FMO1: variants seen among roughly 807,000 people sequenced by gnomAD.
FMO1 encodes flavin-containing monooxygenase 1.
In FMO1, 36 loss-of-function variants were observed where a neutral mutation model predicts 45.4. The ratio of observed to expected loss-of-function variants is 0.79; its 90% CI spans 0.61 to 1.05. The LOEUF is 1.05. Ranked by LOEUF, FMO1 falls within the 50% of genes least tolerant of loss-of-function variation. The pLI, the probability that FMO1 is intolerant of heterozygous loss-of-function variation, is 0.00. For missense variants in FMO1, 615 were observed against 640.3 expected (o/e 0.96, Z 0.43); for synonymous variants, 228 against 227.2 (o/e 1.00, Z -0.03).
In FMO1 at chr1:171,285,453, T is replaced by C. The variant is rs760560322; in HGVS notation, c.1508T>C (p.Val503Ala). 2 of 1,597,774 alleles carry C rather than the reference T, an allele frequency of 1.3e-6. No homozygotes were observed. Among genetic ancestry groups the C allele is most frequent in the African/African-American group, 1.3e-5 (1 of 74,208 alleles). The change falls in exon 9 of 9, where the codon GTT becomes GCT. Residue 503 changes from valine to alanine, a missense_variant. Coordinates refer to ENST00000617670, the MANE Select transcript of FMO1 (RefSeq NM_001282693.2). ...DRTFKVIKARVVQESPSPFES... is the reference protein window; with the variant it reads ...DRTFKVIKARAVQESPSPFES... ...ACATTCAAGGTCATCAAAGCTCGAGTTGTACAAGAGTCTCCATCTCCCTTT... is the reference window on the plus strand; with the variant it reads ...ACATTCAAGGTCATCAAAGCTCGAGCTGTACAAGAGTCTCCATCTCCCTTT...
rs554020615 is a variant in FMO1 at position 171,265,386 on chromosome 1, G to A, written c.133-2157G>A. On this transcript the variant is annotated intron_variant, in intron 2 of 8. Transcript: ENST00000617670. The stretch of plus-strand genomic sequence containing the variant: ...AGCCTGGGCGACAGAGCGAGGCTCC[G>A]TCTCAAAAAAAGAAAAATAAAAAAG... Among the ~76,000 whole-genome samples, 22 of 147,272 alleles carry A rather than the reference G, an allele frequency of 1.5e-4. 1 individual carries two copies. The highest frequency in any genetic ancestry group is 4.8e-4 in the African/African-American group (19 of 39,192).
Position 171,282,261 on chromosome 1 carries a change from CT to C in FMO1, c.1112del (p.Leu371ProfsTer8). ...AAAGCCAACCCTGGCCATTATTGGC[CT>C]CATCAAACCCTTGGGCTCCATGATA... ...LQKPTLAIIG[L>X]IKPLGSMIPT... On this transcript the variant is annotated frameshift_variant, in exon 7 of 9. Transcript: ENST00000617670. LOFTEE classifies it high-confidence loss of function. The C allele has an allele frequency of 6.2e-7, 1 of 1,613,922 alleles. No individual in the cohort carries two copies. Among genetic ancestry groups the C allele is most frequent in the East Asian group, 2.2e-5 (1 of 44,852 alleles).
At chr1:171,256,442 C>T (rs1273242530) in intron 1 of FMO1, among the ~76,000 whole-genome samples, 1 of 152,096 alleles carries the variant, frequency 6.6e-6, no homozygotes, top group Non-Finnish European at 1.5e-5. Context: ...ACAACTGCCT[C>T]TCTAAATGTG....
In FMO1 at chr1:171,283,181, G is replaced by T. The variant is rs752072022; in HGVS notation, c.1221G>T (p.Glu407Asp). The stretch of plus-strand genomic sequence containing the variant: ...TACCACCACCAAGTGTCATGATAGA[G>T]GAAATTAATGCAAGGAAAGAAAACA... ...NKLPPPSVMI[E>D]EINARKENKP... Residue 407 changes from glutamate (E) to aspartate (D), a missense_variant, in exon 8 of 9, where the codon GAG (glutamate) becomes GAT (aspartate). Transcript: ENST00000617670. The T allele has an allele frequency of 2.0e-6, 3 of 1,513,484 alleles. No individual in the cohort carries two copies. Among genetic ancestry groups the T allele is most frequent in the African/African-American group, 2.9e-5 (2 of 69,178 alleles). The allele number at this position is 1,513,484 out of a possible 1,614,324, so 93.8% of individuals were successfully genotyped here.
intron 2 of FMO1, among the ~76,000 whole-genome samples, chr1:171,262,651 G>A (rs1464355018): frequency 6.6e-6 from 1 of 152,024 alleles, no homozygotes; most frequent in Non-Finnish European, 1.5e-5. Flanking sequence ...TCTTCTTTAG[G>A]TTTGGTAAAT....
chr1:171,262,953 G>A (rs1301447142), intron 2 of FMO1, among the ~76,000 whole-genome samples: 8 of 152,136 alleles, frequency 5.3e-5, no homozygotes, highest in Non-Finnish European at 1.0e-4. Context: ...ATTAAAAGAA[G>A]GAAGAAATTA....
At chr1:171,262,608 C>T (rs1660422291) in intron 2 of FMO1, among the ~76,000 whole-genome samples, 3 of 152,220 alleles carry the variant, frequency 2.0e-5, no homozygotes, top group Admixed American at 2.0e-4. Context: ...ATACTTCACA[C>T]TTTTAAATCA....
Position 171,278,793 on chromosome 1 carries a change from G to A in FMO1, c.549G>A (p.Lys183=), listed in dbSNP as rs1661224449. Reference sequence around the variant, plus strand: ...AATATAAGCATCCAGATATATTTAAGGACAAGAGAGTCCTTGTGATTGGAA... The same window carrying A: ...AATATAAGCATCCAGATATATTTAAAGACAAGAGAGTCCTTGTGATTGGAA... ...SRQYKHPDIF[K]DKRVLVIGMG... The change falls in exon 5 of 9, where the codon AAG becomes AAA. Residue 183 remains lysine (K), a synonymous_variant. Coordinates refer to ENST00000617670, the MANE Select transcript of FMO1 (RefSeq NM_001282693.2). 1.2e-6 allele frequency: 2 copies of A among 1,612,308 alleles called. No individual in the cohort carries two copies. Among genetic ancestry groups the A allele is most frequent in the African/African-American group, 2.7e-5 (2 of 74,850 alleles).
intron 2 of FMO1, among the ~76,000 whole-genome samples, chr1:171,265,368 G>C (rs1005951741): frequency 1.3e-5 from 2 of 151,200 alleles, no homozygotes; most frequent in African/African-American, 4.9e-5. Context: ...GCTAGCCTGG[G>C]CGACAGAGCG....
Position 171,270,653 on chromosome 1 carries a change from A to C in FMO1, c.321+2922A>C, listed in dbSNP as rs181875653. The C allele has an allele frequency of 9.3e-4, 931 of 1,005,098 alleles. 1 individual carries two copies. In the African/African-American group the frequency reaches 0.015, roughly 16 times the overall value. The allele number at this position is 1,005,098 out of a possible 1,614,324, so 62.3% of individuals were successfully genotyped here. A position where few individuals can be genotyped will look rare whatever the true frequency, so the allele number is the denominator to read the frequency against. ...GACAGCTGAAGATGAAAAAACTACC[A>C]TCCCCATATATAACTAATTTGTGCT... is the stretch of plus-strand genomic sequence containing the variant. On this transcript the variant is annotated intron_variant, in intron 3 of 8. Transcript: ENST00000617670.
In FMO1 at chr1:171,262,016, A is replaced by G. The variant is rs191903315; in HGVS notation, c.132+3797A>G. Among the ~76,000 whole-genome samples the G allele has an allele frequency of 5.9e-5, 9 of 152,358 alleles. No homozygotes were observed. The East Asian group carries it at 1.7e-3, about 29-fold the overall frequency. Reference sequence around the variant, plus strand: ...CTTGAGAGGGAGGGGAGGCTTAGGAAAGTAAAACTGTAGGTTGACTATCGC... The same window carrying G: ...CTTGAGAGGGAGGGGAGGCTTAGGAGAGTAAAACTGTAGGTTGACTATCGC... On this transcript the variant is annotated intron_variant, in intron 2 of 8. Transcript: ENST00000617670.
chr1:171,282,536 A>T, intron 7 of FMO1: 2 of 441,792 alleles, frequency 4.5e-6, no homozygotes, highest in South Asian at 5.8e-5. Flanking sequence ...GGTCAAAAAT[A>T]TATATATTTT....
intron 1 of FMO1, among the ~76,000 whole-genome samples, chr1:171,250,732 A>G (rs1291947168): frequency 2.0e-5 from 3 of 152,050 alleles, no homozygotes; most frequent in Non-Finnish European, 4.4e-5. Flanking sequence ...TTTTCACTCA[A>G]TTTTCACCCA....
At chr1:171,284,029 TAA>T (rs1361106513) in intron 8 of FMO1, among the ~76,000 whole-genome samples, 2 of 152,150 alleles carry the variant, frequency 1.3e-5, no homozygotes, top group African/African-American at 2.4e-5. Context: ...GCCAGCAAAG[TAA>T]AGAGTCTTGG....
At chr1:171,262,785 C>G (rs1327839486) in intron 2 of FMO1, among the ~76,000 whole-genome samples, 1 of 152,132 alleles carries the variant, frequency 6.6e-6, no homozygotes, top group Non-Finnish European at 1.5e-5. Flanking sequence ...CCTCATGGAG[C>G]TTGCATTCTT....
At chr1:171,271,484 T>C in intron 3 of FMO1, 2 of 944,222 alleles carry the variant, frequency 2.1e-6, no homozygotes, top group Non-Finnish European at 3.5e-6. Flanking sequence ...AGAAGTTGAC[T>C]GAAGCATCTG....
At chr1:171,250,356 A>G (rs1659830061) in intron 1 of FMO1, among the ~76,000 whole-genome samples, 1 of 152,206 alleles carries the variant, frequency 6.6e-6, no homozygotes, top group Admixed American at 6.5e-5. Context: ...TTACAATATT[A>G]AAACTGTTAA....
chr1:171,260,669 G>A (rs866458580), intron 2 of FMO1, among the ~76,000 whole-genome samples: 10 of 151,964 alleles, frequency 6.6e-5, no homozygotes, highest in African/African-American at 1.7e-4. Flanking sequence ...GGTGGCTCAC[G>A]CCTGTAATCC....
rs1181092251 is a variant in FMO1, at chr1:171,267,802, G to C, written c.321+71G>C. On this transcript the variant is annotated intron_variant, in intron 3 of 8. Coordinates refer to ENST00000617670, the MANE Select transcript of FMO1 (RefSeq NM_001282693.2). ...TATTTTCTCTTATCTCTCCAGCCTA[G>C]CCCTGGGCTCTGTAGATGAGATACT... 3 of 1,220,770 alleles carry C rather than the reference G, an allele frequency of 2.5e-6. No homozygotes were observed. The Admixed American group carries it at 6.1e-5, about 25-fold the overall frequency. The allele number at this position is 1,220,770 out of a possible 1,614,324, so 75.6% of individuals were successfully genotyped here.
Sources: allele counts gnomAD v4.1 joint callset (sites outside exome capture counted in the v4.1 genomes callset), GRCh38; gene constraint gnomAD v4.1.1; transcripts MANE v1.5; gene names NCBI Gene and HGNC (gene_info 2026-07-23, HGNC 2026-07-21).